Variants in SLC24A3 observed in about 807,000 individuals in gnomAD.
SLC24A3 encodes solute carrier family 24 member 3.
In SLC24A3, 28 loss-of-function variants were observed where a neutral mutation model predicts 75.8. The observed-to-expected ratio is 0.37, with a 90% CI of 0.27 to 0.51. SLC24A3 has a LOEUF of 0.51. Ranked by LOEUF, SLC24A3 falls within the 20% of genes least tolerant of loss-of-function variation. The pLI, the probability that SLC24A3 is intolerant of heterozygous loss-of-function variation, is 0.94. For missense variants in SLC24A3, 663 were observed against 847.8 expected (o/e 0.78, Z 2.71); for synonymous variants, 372 against 334.1 (o/e 1.11, Z -1.24).
chr20:19,404,632 C>A (rs1034605918), intron 2 of SLC24A3, among the ~76,000 whole-genome samples: 1 of 152,174 alleles, frequency 6.6e-6, no homozygotes, highest in African/African-American at 2.4e-5. Flanking sequence ...TCAGTGCATT[C>A]TTCAATGTGA....
At chr20:19,676,633 C>CATATATTAGAATCGTCA (rs2032527223) in intron 9 of SLC24A3, among the ~76,000 whole-genome samples, 1 of 152,142 alleles carries the variant, frequency 6.6e-6, no homozygotes, top group Non-Finnish European at 1.5e-5. Flanking sequence ...AAAAAAACAG[C>CATATATTAGAATCGTCA]ATATATTAGA....
At chr20:19,443,868 G>T (rs560554685) in intron 2 of SLC24A3, among the ~76,000 whole-genome samples, 24 of 152,218 alleles carry the variant, frequency 1.6e-4, no homozygotes, top group Non-Finnish European at 3.2e-4. Context: ...CTTGTTTAAG[G>T]CTTTTCTCTA....
At chr20:19,623,047 C>G (rs770009015) in intron 6 of SLC24A3, among the ~76,000 whole-genome samples, 35 of 152,196 alleles carry the variant, frequency 2.3e-4, no homozygotes, top group Admixed American at 3.9e-4. Flanking sequence ...GGTCCCACCT[C>G]CAACACTGGA....
At chr20:19,440,818 T>C (rs896298177) in intron 2 of SLC24A3, among the ~76,000 whole-genome samples, 2 of 152,036 alleles carry the variant, frequency 1.3e-5, no homozygotes, top group African/African-American at 4.8e-5. Flanking sequence ...GGATGGAAGA[T>C]GAACTTAAGG....
intron 3 of SLC24A3, among the ~76,000 whole-genome samples, chr20:19,550,581 C>T (rs2030676983): frequency 6.6e-6 from 1 of 152,130 alleles, no homozygotes; most frequent in African/African-American, 2.4e-5. Context: ...TGAAGGTGTG[C>T]ATGTGTACAA....
intron 2 of SLC24A3, among the ~76,000 whole-genome samples, chr20:19,346,905 A>C (rs1985441407): frequency 6.6e-6 from 1 of 152,268 alleles, no homozygotes; most frequent in Non-Finnish European, 1.5e-5. Context: ...ACACACAAAC[A>C]GTAAAAGAAT....
chr20:19,352,435 TAAC>T (rs1455792939), intron 2 of SLC24A3, among the ~76,000 whole-genome samples: 1 of 152,190 alleles, frequency 6.6e-6, no homozygotes, highest in African/African-American at 2.4e-5. Context: ...CAAAGGAAAC[TAAC>T]ATTATTAACG....
chr20:19,503,705 ATAT>A (rs1431798140), intron 2 of SLC24A3, among the ~76,000 whole-genome samples: 3 of 152,228 alleles, frequency 2.0e-5, no homozygotes, highest in Non-Finnish European at 4.4e-5. Flanking sequence ...GAGCTAATCA[ATAT>A]TTTTTGTCTG....
At chr20:19,345,375 T>C (rs1448534353) in intron 2 of SLC24A3, among the ~76,000 whole-genome samples, 4 of 152,168 alleles carry the variant, frequency 2.6e-5, no homozygotes, top group African/African-American at 9.7e-5. Flanking sequence ...TCTCAGTAAT[T>C]TATTTTGTGG....
At chr20:19,343,825 C>T (rs146894235) in intron 2 of SLC24A3, among the ~76,000 whole-genome samples, 7 of 152,120 alleles carry the variant, frequency 4.6e-5, no homozygotes, top group Admixed American at 1.3e-4. Flanking sequence ...AGTTGGTAGG[C>T]GTCTCACTCA....
intron 6 of SLC24A3, among the ~76,000 whole-genome samples, chr20:19,596,315 G>A (rs1186144627): frequency 6.6e-6 from 1 of 152,140 alleles, no homozygotes; most frequent in South Asian, 2.1e-4. Flanking sequence ...ATGCCAAGAG[G>A]GTTTGCAGGT....
intron 1 of SLC24A3, among the ~76,000 whole-genome samples, chr20:19,227,029 G>A (rs772231544): frequency 1.1e-4 from 16 of 152,174 alleles, no homozygotes; most frequent in African/African-American, 2.4e-4. Flanking sequence ...CATGCCCATC[G>A]TAAAGGCTCA....
chr20:19,485,755 A>C (rs6046136), intron 2 of SLC24A3, among the ~76,000 whole-genome samples: 67,666 of 151,922 alleles, frequency 0.45, 15,525 homozygotes, highest in African/African-American at 0.55. Context: ...CAAGATTCAC[A>C]CGCTCCCAAA....
chr20:19,574,104 T>G (rs1290714050), intron 3 of SLC24A3, among the ~76,000 whole-genome samples: 1 of 152,160 alleles, frequency 6.6e-6, no homozygotes, highest in Non-Finnish European at 1.5e-5. Flanking sequence ...GTTGAATTAA[T>G]AAATAAATAA....
rs778810856 is a variant in SLC24A3 at position 19,693,433 on chromosome 20, C to A, written c.1491+8C>A. The stretch of plus-strand genomic sequence containing the variant: ...TACATGATGGTGTGGATGGTGAGTG[C>A]AATCGGGACCCCATGGCACTGTTAA... On this transcript the variant is annotated splice_region_variant and intron_variant, in intron 13 of 16. Coordinates refer to ENST00000328041, the MANE Select transcript of SLC24A3 (RefSeq NM_020689.4). 1.2e-6 allele frequency: 2 copies of A among 1,613,326 alleles called. No homozygotes were observed. Among genetic ancestry groups the A allele is most frequent in the Non-Finnish European group, 8.5e-7 (1 of 1,179,734 alleles).
intron 2 of SLC24A3, among the ~76,000 whole-genome samples, chr20:19,365,673 G>T (rs746289346): frequency 6.6e-6 from 1 of 152,130 alleles, no homozygotes. Flanking sequence ...CACACTTTAC[G>T]TAAGAGTGAG....
chr20:19,682,589 T>C (rs2122740193), intron 10 of SLC24A3, among the ~76,000 whole-genome samples: 2 of 152,312 alleles, frequency 1.3e-5, no homozygotes, highest in South Asian at 4.1e-4. Flanking sequence ...AGGGTTTTGG[T>C]TGTGTGACCA....
chr20:19,343,243 A>G (rs1568594864), intron 2 of SLC24A3, among the ~76,000 whole-genome samples: 1 of 152,082 alleles, frequency 6.6e-6, no homozygotes, highest in Non-Finnish European at 1.5e-5. Context: ...TATCAAGGCA[A>G]TGTACCACTG....
At chr20:19,665,288 G>A (rs888416938) in intron 7 of SLC24A3, among the ~76,000 whole-genome samples, 16 of 152,052 alleles carry the variant, frequency 1.1e-4, no homozygotes, top group Non-Finnish European at 1.6e-4. Flanking sequence ...CTTATTTTTC[G>A]GGGTGATGGC....
Sources: allele counts gnomAD v4.1 joint callset (sites outside exome capture counted in the v4.1 genomes callset), GRCh38; gene constraint gnomAD v4.1.1; transcripts MANE v1.5; gene names NCBI Gene and HGNC (gene_info 2026-07-23, HGNC 2026-07-21).